Variants in RBFOX1 observed in about 807,000 individuals in gnomAD.
RBFOX1 encodes RNA binding fox-1 homolog 1.
Under a neutral mutation model 57.7 loss-of-function variants are expected in RBFOX1, and 8 were observed. The ratio of observed to expected loss-of-function variants is 0.14; its 90% CI spans 0.08 to 0.25. The LOEUF (loss-of-function observed/expected upper bound fraction) is 0.25, where lower values mean the gene tolerates loss of function less well. Ranked by LOEUF, RBFOX1 falls within the 10% of genes least tolerant of loss-of-function variation. The pLI is 1.00. For missense variants in RBFOX1, 611 were observed against 548.5 expected, an observed-to-expected ratio of 1.11 and a Z score of -1.14; for synonymous variants, 326 against 222.4, an observed-to-expected ratio of 1.47 and a Z score of -4.15.
intron 4 of RBFOX1, among the ~76,000 whole-genome samples, chr16:7,272,590 G>C (rs911667500): frequency 1.3e-5 from 2 of 152,190 alleles, no homozygotes; most frequent in African/African-American, 4.8e-5. Flanking sequence ...AGAGAGGACA[G>C]GAAAGCAGTG....
chr16:6,882,927 G>T (rs904153218), intron 3 of RBFOX1, among the ~76,000 whole-genome samples: 2 of 152,200 alleles, frequency 1.3e-5, no homozygotes, highest in Admixed American at 6.5e-5. Context: ...ATTGAATCAG[G>T]ATGTCTTAGG....
intron 1 of RBFOX1, among the ~76,000 whole-genome samples, chr16:6,306,956 T>C (rs1342854668): frequency 6.6e-6 from 1 of 152,066 alleles, no homozygotes; most frequent in Admixed American, 6.6e-5. Context: ...TTATACCTTC[T>C]CTCCTTTTGC....
intron 3 of RBFOX1, among the ~76,000 whole-genome samples, chr16:6,661,031 A>T (rs147350256): frequency 6.6e-6 from 1 of 152,184 alleles, no homozygotes; most frequent in Non-Finnish European, 1.5e-5. Context: ...GTGAAGTCCT[A>T]TGTACTGCAG....
intron 1 of RBFOX1, among the ~76,000 whole-genome samples, chr16:6,284,496 C>T (rs1451122862): frequency 5.9e-5 from 9 of 152,110 alleles, no homozygotes; most frequent in Non-Finnish European, 1.3e-4. Flanking sequence ...GGGTGGGCTG[C>T]GAAGTTGGGA....
intron 3 of RBFOX1, among the ~76,000 whole-genome samples, chr16:6,956,508 A>G (rs768379913): frequency 6.6e-6 from 1 of 152,132 alleles, no homozygotes; most frequent in Non-Finnish European, 1.5e-5. Flanking sequence ...ATTTCAGAGT[A>G]AACCTGGAGT....
chr16:5,315,196 C>T (rs899104558), intron 1 of RBFOX1, among the ~76,000 whole-genome samples: 6 of 152,188 alleles, frequency 3.9e-5, no homozygotes, highest in African/African-American at 4.8e-5. Flanking sequence ...GGCTCTGTAC[C>T]GGAGGGAAGA....
At chr16:7,596,099 T>TG (rs2094678447) in intron 8 of RBFOX1, among the ~76,000 whole-genome samples, 1 of 140,206 alleles carries the variant, frequency 7.1e-6, no homozygotes, top group Non-Finnish European at 1.5e-5. Flanking sequence ...TGTTTGTTTT[T>TG]TTTTGTTTGT....
rs560222853 is a variant in RBFOX1, at chr16:6,525,983, T to G, written c.-63-128620T>G. Among the ~76,000 whole-genome samples, 84 of 152,086 alleles carry G rather than the reference T, an allele frequency of 5.5e-4. 1 individual carries two copies. Among genetic ancestry groups the G allele is most frequent in the Admixed American group, 3.0e-3 (46 of 15,268 alleles). ...CTGAATGCGGGAAGTAAAGGTCAAG[T>G]AAAAATGACCCCAAGATATCCAGTA... is the stretch of plus-strand genomic sequence containing the variant. On this transcript the variant is annotated intron_variant, in intron 2 of 15. Transcript: ENST00000550418.
intron 3 of RBFOX1, among the ~76,000 whole-genome samples, chr16:5,786,857 C>T (rs145034254): frequency 8.5e-5 from 13 of 152,198 alleles, no homozygotes; most frequent in South Asian, 4.2e-4. Context: ...AGAATGAAGC[C>T]GGGCATGGCA....
intron 4 of RBFOX1, among the ~76,000 whole-genome samples, chr16:7,465,799 G>A (rs572802570): frequency 6.6e-5 from 10 of 152,140 alleles, no homozygotes; most frequent in Non-Finnish European, 1.5e-4. Flanking sequence ...TTTATAACAG[G>A]CAACCCAGGT....
At chr16:5,326,716 G>C (rs1015784595) in intron 1 of RBFOX1, among the ~76,000 whole-genome samples, 19 of 152,228 alleles carry the variant, frequency 1.2e-4, no homozygotes, top group Non-Finnish European at 2.6e-4. Flanking sequence ...AGCGGTGGCT[G>C]TTAATTCAAA....
At chr16:5,975,166 A>G (rs1468387917) in intron 4 of RBFOX1, among the ~76,000 whole-genome samples, 1 of 152,194 alleles carries the variant, frequency 6.6e-6, no homozygotes, top group Non-Finnish European at 1.5e-5. Context: ...AATTATGTTG[A>G]TAAATTCCAA....
chr16:6,895,239 A>C (rs777670952), intron 3 of RBFOX1, among the ~76,000 whole-genome samples: 84 of 151,834 alleles, frequency 5.5e-4, no homozygotes, highest in Non-Finnish European at 9.0e-4. Flanking sequence ...CCAAATGTAT[A>C]TCCCAAATGT....
chr16:7,607,728 G>C (rs896999137), intron 10 of RBFOX1, among the ~76,000 whole-genome samples: 3 of 152,156 alleles, frequency 2.0e-5, no homozygotes, highest in Admixed American at 2.0e-4. Flanking sequence ...CTTTTTCCTG[G>C]CAAAGCAGAG....
At chr16:6,846,950 T>C (rs1224417689) in intron 3 of RBFOX1, among the ~76,000 whole-genome samples, 2 of 152,160 alleles carry the variant, frequency 1.3e-5, no homozygotes, top group African/African-American at 4.8e-5. Flanking sequence ...GGCTACAGTT[T>C]TACCATGTCT....
At chr16:5,561,845 T>C (rs186554362) in intron 2 of RBFOX1, among the ~76,000 whole-genome samples, 1 of 152,276 alleles carries the variant, frequency 6.6e-6, no homozygotes, top group Admixed American at 6.5e-5. Context: ...AATTTAAGTT[T>C]AGGGTCATGA....
At chr16:6,690,124 A>G (rs1272763912) in intron 3 of RBFOX1, among the ~76,000 whole-genome samples, 1 of 152,160 alleles carries the variant, frequency 6.6e-6, no homozygotes, top group East Asian at 1.9e-4. Flanking sequence ...TGCTTAGAAG[A>G]TGGTCTTAGA....
intron 3 of RBFOX1, among the ~76,000 whole-genome samples, chr16:6,867,450 G>A (rs1437395885): frequency 6.6e-6 from 1 of 151,886 alleles, no homozygotes; most frequent in Non-Finnish European, 1.5e-5. Context: ...CGGGTGTGGG[G>A]GCTCACTCAT....
intron 3 of RBFOX1, among the ~76,000 whole-genome samples, chr16:7,007,552 A>T (rs139665718): frequency 1.3e-5 from 2 of 152,256 alleles, no homozygotes; most frequent in African/African-American, 4.8e-5. Context: ...AGTGGGGCAT[A>T]AATTTGCCTA....
Sources: allele counts gnomAD v4.1 joint callset (sites outside exome capture counted in the v4.1 genomes callset), GRCh38; gene constraint gnomAD v4.1.1; transcripts MANE v1.5; gene names NCBI Gene and HGNC (gene_info 2026-07-23, HGNC 2026-07-21).